ZFP91: variants seen among roughly 807,000 people sequenced by gnomAD.
ZFP91 encodes the protein E3 ubiquitin-protein ligase ZFP91.
Under a neutral mutation model 63.5 loss-of-function variants are expected in ZFP91, and 7 were observed. That is an observed-to-expected ratio of 0.11 (90% CI 0.06 to 0.21). ZFP91 has a LOEUF of 0.21. Ranked by LOEUF, ZFP91 falls within the 10% of genes least tolerant of loss-of-function variation. ZFP91 has a pLI of 1.00. For missense variants in ZFP91, 628 were observed against 736.6 expected (o/e 0.85, Z 1.71); for synonymous variants, 330 against 272.1 (o/e 1.21, Z -2.10).
At chr11:58,607,247 C>CT (rs543487887) in intron 2 of ZFP91, among the ~76,000 whole-genome samples, 102 of 152,112 alleles carry the variant, frequency 6.7e-4, no homozygotes, top group Non-Finnish European at 1.3e-3. Context: ...TTGAATTGTT[C>CT]TTTTTGATGA....
chr11:58,604,421 G>C (rs1465517974), intron 2 of ZFP91, among the ~76,000 whole-genome samples: 2 of 152,182 alleles, frequency 1.3e-5, no homozygotes, highest in Non-Finnish European at 2.9e-5. Flanking sequence ...CTGAGAGGGA[G>C]TGTGGTCTGT....
intron 1 of ZFP91, 38 bp downstream of exon 1, chr11:58,579,660 C>T (rs1377463572): frequency 4.7e-6 from 7 of 1,501,780 alleles, no homozygotes; most frequent in Admixed American, 2.2e-5. Flanking sequence ...AAAGACCCCC[C>T]TCTGTCCGTA....
intron 2 of ZFP91, among the ~76,000 whole-genome samples, chr11:58,599,166 G>T (rs993330529): frequency 2.0e-5 from 3 of 149,238 alleles, no homozygotes; most frequent in African/African-American, 7.3e-5. Flanking sequence ...AAAAATTTTC[G>T]TTGTATGTAT....
rs1239834710 is a variant in ZFP91, at chr11:58,621,050, G to A, written c.*3344G>A. 1.3e-5 allele frequency: 2 copies of A among 152,638 alleles called. No homozygotes were observed. The highest frequency in any genetic ancestry group is 6.5e-5 in the Admixed American group (1 of 15,282). 9.5% of individuals were successfully genotyped at this position (152,638 alleles called of 1,614,324 possible). A position where few individuals can be genotyped will look rare whatever the true frequency, so the allele number is the denominator to read the frequency against. The stretch of plus-strand genomic sequence containing the variant: ...AAAGTTGTCTTCATGGAAGCAACTT[G>A]TCTTCCTTGGTTGTACTGAGTTACA... On this transcript the variant is annotated 3_prime_UTR_variant, in exon 11 of 11. Coordinates refer to ENST00000316059, the MANE Select transcript of ZFP91 (RefSeq NM_053023.5).
chr11:58,596,391 AT>A (rs981996677), intron 2 of ZFP91, among the ~76,000 whole-genome samples: 13 of 152,320 alleles, frequency 8.5e-5, no homozygotes, highest in African/African-American at 2.9e-4. Flanking sequence ...TTCTCTACAA[AT>A]GTTTCTACAC....
At chr11:58,612,217 A>G (rs1855676835) in intron 6 of ZFP91, 61 bp from the exon 7 acceptor site, 1 of 1,550,758 alleles carries the variant, frequency 6.4e-7, no homozygotes, top group Admixed American at 1.7e-5. Flanking sequence ...GTCTTCAGCC[A>G]GCCTTCACTG....
Position 58,619,090 on chromosome 11 carries a change from CAA to C in ZFP91, c.*1386_*1387del, listed in dbSNP as rs1359542104. The stretch of plus-strand genomic sequence containing the variant: ...AAGGACACTGCTGTTAGTGAAGGAA[CAA>C]AGTCTATGAGTCCTAAAATTTTAAG... On this transcript the variant is annotated 3_prime_UTR_variant, in exon 11 of 11. Transcript: ENST00000316059. The C allele has an allele frequency of 1.3e-5, 2 of 157,094 alleles. No individual in the cohort carries two copies. The highest frequency in any genetic ancestry group is 2.8e-5 in the Non-Finnish European group (2 of 71,204). The allele number at this position is 157,094 out of a possible 1,614,324, so 9.7% of individuals were successfully genotyped here.
At position 58,611,486 on chromosome 11, in the gene ZFP91, A is replaced by T. The variant is rs539692449; in HGVS notation, c.723-118A>T. On this transcript the variant is annotated intron_variant, in intron 5 of 10. Transcript: ENST00000316059. ...GATGATTGGTAGGAAATCACATTTC[A>T]TGAACTGAGGAAGGTAGTTTTATAA... The T allele has an allele frequency of 3.1e-6, 4 of 1,294,008 alleles. No individual in the cohort carries two copies. In the African/African-American group the frequency reaches 6.0e-5, roughly 19 times the overall value. The allele number at this position is 1,294,008 out of a possible 1,614,324, so 80.2% of individuals were successfully genotyped here. A position where few individuals can be genotyped will look rare whatever the true frequency, so the allele number is the denominator to read the frequency against.
intron 2 of ZFP91, among the ~76,000 whole-genome samples, chr11:58,589,414 C>A (rs1307342431): frequency 6.6e-6 from 1 of 152,012 alleles, no homozygotes. Context: ...TGATACTGTT[C>A]TAAATTTAAA....
chr11:58,600,379 TAAAAC>T (rs1325697272), intron 2 of ZFP91, among the ~76,000 whole-genome samples: 2 of 152,202 alleles, frequency 1.3e-5, no homozygotes, highest in Non-Finnish European at 1.5e-5. Context: ...CTAATATACT[TAAAAC>T]AATGAATGTT....
intron 1 of ZFP91, among the ~76,000 whole-genome samples, 195 bp downstream of exon 1, chr11:58,579,817 C>T (rs1855071766): frequency 6.6e-6 from 1 of 152,228 alleles, no homozygotes; most frequent in East Asian, 1.9e-4. Context: ...GCTCCTGTAC[C>T]TTCGCTTGTC....
At chr11:58,589,677 T>G (rs959513977) in intron 2 of ZFP91, among the ~76,000 whole-genome samples, 4 of 152,012 alleles carry the variant, frequency 2.6e-5, no homozygotes, top group African/African-American at 9.7e-5. Flanking sequence ...ATCTTTTATC[T>G]TAAGGTAGCA....
At chr11:58,592,375 C>T (rs147421923) in intron 2 of ZFP91, among the ~76,000 whole-genome samples, 44 of 152,230 alleles carry the variant, frequency 2.9e-4, no homozygotes, top group Middle Eastern at 6.8e-3. Context: ...GCATGATCCA[C>T]CGTGTCCAGT....
intron 2 of ZFP91, among the ~76,000 whole-genome samples, chr11:58,592,157 A>T (rs1855318979): frequency 7.1e-6 from 1 of 139,972 alleles, no homozygotes; most frequent in Admixed American, 8.0e-5. Context: ...ATATCGGCTC[A>T]CTGCAGCCTC....
At chr11:58,606,316 C>G (rs1855569779) in intron 2 of ZFP91, among the ~76,000 whole-genome samples, 2 of 152,334 alleles carry the variant, frequency 1.3e-5, no homozygotes, top group Admixed American at 6.5e-5. Context: ...ATCCGCCCAC[C>G]TTGGCCCTCC....
intron 2 of ZFP91, 78 bp from the exon 3 acceptor site, chr11:58,609,751 TA>T (rs1855626457): frequency 8.3e-7 from 1 of 1,199,860 alleles, no homozygotes; most frequent in African/African-American, 1.5e-5. Context: ...TCTTCAACTG[TA>T]TTTACAATTA....
At chr11:58,586,944 T>G (rs1855220127) in intron 2 of ZFP91, among the ~76,000 whole-genome samples, 1 of 152,190 alleles carries the variant, frequency 6.6e-6, no homozygotes, top group Non-Finnish European at 1.5e-5. Flanking sequence ...CAGGATTGTT[T>G]TTACTCTTAT....
intron 2 of ZFP91, among the ~76,000 whole-genome samples, chr11:58,600,579 T>C (rs975817051): frequency 6.6e-6 from 1 of 152,196 alleles, no homozygotes; most frequent in Non-Finnish European, 1.5e-5. Context: ...GAATTTTCTA[T>C]ATGTAAGGTC....
At chr11:58,608,601 G>T (rs1359660296) in intron 2 of ZFP91, among the ~76,000 whole-genome samples, 3 of 151,902 alleles carry the variant, frequency 2.0e-5, no homozygotes, top group Non-Finnish European at 2.9e-5. Flanking sequence ...TTGAGCTTTT[G>T]TTTTTTGTTT....
Sources: allele counts gnomAD v4.1 joint callset (sites outside exome capture counted in the v4.1 genomes callset), GRCh38; gene constraint gnomAD v4.1.1; transcripts MANE v1.5; gene names NCBI Gene and HGNC (gene_info 2026-07-23, HGNC 2026-07-21).